The following RIPOR3 variants were observed in gnomAD, a reference collection of about 807,000 sequenced individuals.
RIPOR3 encodes the protein family with sequence similarity 65 member C.
Under a neutral mutation model 114.3 loss-of-function variants are expected in RIPOR3, and 95 were observed. That is an observed-to-expected ratio of 0.83 (90% CI 0.70 to 0.99). The LOEUF (loss-of-function observed/expected upper bound fraction) is 0.99, where lower values mean the gene tolerates loss of function less well. Ranked by LOEUF, RIPOR3 falls within the 50% of genes least tolerant of loss-of-function variation. The pLI, the probability that RIPOR3 is intolerant of heterozygous loss-of-function variation, is 0.00. For missense variants in RIPOR3, 1,252 were observed against 1,266.9 expected, an observed-to-expected ratio of 0.99 and a Z score of 0.18; for synonymous variants, 575 against 543.8, an observed-to-expected ratio of 1.06 and a Z score of -0.80.
At chr20:50,676,586 A>T (rs1035651665) in intron 1 of RIPOR3, among the ~76,000 whole-genome samples, 7 of 152,054 alleles carry the variant, frequency 4.6e-5, no homozygotes, top group African/African-American at 1.4e-4. Flanking sequence ...CAGGAGGTCA[A>T]GGCTGCAGTG....
chr20:50,656,553 G>A (rs1232706845), intron 1 of RIPOR3, among the ~76,000 whole-genome samples: 1 of 152,110 alleles, frequency 6.6e-6, no homozygotes, highest in African/African-American at 2.4e-5. Context: ...TAGAGGCAGA[G>A]TCTTGCTGTG....
In RIPOR3 at chr20:50,651,389, C is replaced by A. The variant is rs116031720; in HGVS notation, c.4-20533G>T. Among the ~76,000 whole-genome samples, 1,271 of 152,282 alleles carry A rather than the reference C, an allele frequency of 8.3e-3. 18 individuals are homozygous for A. The highest frequency in any genetic ancestry group is 0.029 in the African/African-American group (1,200 of 41,554). The stretch of plus-strand genomic sequence containing the variant: ...GCAGAGAACTCAGCCATGCCAGACT[C>A]TGGACCAACACAGCTGTGAGCTCAT... On this transcript the variant is annotated intron_variant, in intron 1 of 21. Transcript: ENST00000327979.
chr20:50,596,972 CTTTT>C (rs1229433753), intron 14 of RIPOR3: 1 of 151,620 alleles, frequency 6.6e-6, no homozygotes, highest in Non-Finnish European at 1.5e-5. Flanking sequence ...TTTTCTTTTT[CTTTT>C]TCTTTTTTTG....
At chr20:50,599,894 A>C (rs889814953) in intron 13 of RIPOR3, among the ~76,000 whole-genome samples, 2 of 148,174 alleles carry the variant, frequency 1.3e-5, no homozygotes, top group Admixed American at 1.3e-4. Context: ...GTATGCGCTC[A>C]CACACACACT....
At chr20:50,588,369 TCTC>T (rs531919979) in intron 20 of RIPOR3, among the ~76,000 whole-genome samples, 45 of 152,364 alleles carry the variant, frequency 3.0e-4, no homozygotes, top group Admixed American at 1.3e-3. Flanking sequence ...CTAACCAGCT[TCTC>T]CTCTTAGAAT....
At chr20:50,635,822 C>T (rs1190628160) in intron 1 of RIPOR3, among the ~76,000 whole-genome samples, 1 of 152,242 alleles carries the variant, frequency 6.6e-6, no homozygotes, top group Non-Finnish European at 1.5e-5. Flanking sequence ...TTCGGGACTC[C>T]GCTGTGCTTG....
chr20:50,671,981 CGTG>C (rs2086521813), intron 1 of RIPOR3, among the ~76,000 whole-genome samples: 1 of 34,510 alleles, frequency 2.9e-5, no homozygotes, highest in African/African-American at 1.1e-4. Flanking sequence ...TGGATGGGTG[CGTG>C]GATGGATGGA....
intron 2 of RIPOR3, among the ~76,000 whole-genome samples, chr20:50,624,021 G>C (rs2084526177): frequency 6.6e-6 from 1 of 152,082 alleles, no homozygotes; most frequent in Non-Finnish European, 1.5e-5. Flanking sequence ...TTTTTTAGTA[G>C]AGACAGGGCT....
At chr20:50,644,337 A>G (rs2085315158) in intron 1 of RIPOR3, among the ~76,000 whole-genome samples, 1 of 152,186 alleles carries the variant, frequency 6.6e-6, no homozygotes, top group Non-Finnish European at 1.5e-5. Context: ...GCTAAAATAG[A>G]TATGTTAATT....
chr20:50,609,470 C>T lies in RIPOR3; in HGVS notation c.576+103G>A, dbSNP rs986255737. 3.4e-6 allele frequency: 5 copies of T among 1,476,000 alleles called. No homozygotes were observed. The Admixed American group carries it at 7.3e-5, about 22-fold the overall frequency. The allele number at this position is 1,476,000 out of a possible 1,614,324, so 91.4% of individuals were successfully genotyped here. ...GGCAGAGAGACGCCTCCTTGGGGCCCAGAACACCTCCTCCAGCCCCCACTG... is the reference window on the plus strand; with the variant it reads ...GGCAGAGAGACGCCTCCTTGGGGCCTAGAACACCTCCTCCAGCCCCCACTG... On this transcript the variant is annotated intron_variant, in intron 7 of 21. Coordinates refer to ENST00000327979, the MANE Select transcript of RIPOR3 (RefSeq NM_001290268.2).
chr20:50,651,600 A>G (rs184349038), intron 1 of RIPOR3, among the ~76,000 whole-genome samples: 1 of 152,148 alleles, frequency 6.6e-6, no homozygotes, highest in Non-Finnish European at 1.5e-5. Context: ...AATCTTGGCA[A>G]TTCCATCCAC....
At chr20:50,644,210 A>G (rs1455790404) in intron 1 of RIPOR3, among the ~76,000 whole-genome samples, 1 of 151,598 alleles carries the variant, frequency 6.6e-6, no homozygotes, top group African/African-American at 2.4e-5. Flanking sequence ...GGCCTCATGT[A>G]ATCCTCCCAG....
At chr20:50,594,885 T>C in intron 16 of RIPOR3, 171 bp from the exon 17 acceptor site, 2 of 681,536 alleles carry the variant, frequency 2.9e-6, no homozygotes, top group Non-Finnish European at 4.8e-6. Flanking sequence ...ACTTTGGCTC[T>C]AAGCATCTTA....
At chr20:50,655,228 G>A (rs2085767275) in intron 1 of RIPOR3, among the ~76,000 whole-genome samples, 2 of 152,238 alleles carry the variant, frequency 1.3e-5, no homozygotes, top group African/African-American at 4.8e-5. Context: ...GCCAAGAAGA[G>A]GTTGCGTTCT....
chr20:50,644,036 C>T (rs1482595666), intron 1 of RIPOR3, among the ~76,000 whole-genome samples: 1 of 151,982 alleles, frequency 6.6e-6, no homozygotes, highest in Middle Eastern at 3.4e-3. Flanking sequence ...AGGAGGATTT[C>T]TTGAGCCCAG....
intron 4 of RIPOR3, among the ~76,000 whole-genome samples, chr20:50,613,485 TAAAG>T (rs939891562): frequency 8.6e-5 from 13 of 151,470 alleles, no homozygotes; most frequent in Admixed American, 3.3e-4. Context: ...AAGAAATAAA[TAAAG>T]AAAGAGGAAA....
Position 50,611,197 on chromosome 20 carries a change from T to C in RIPOR3, c.356A>G (p.Tyr119Cys), listed in dbSNP as rs760296341. Residue 119 changes from tyrosine (Y) to cysteine (C), a missense_variant, in exon 5 of 22, where the codon TAT becomes TGT. Physicochemically the swap from Tyr to Cys is radical, Grantham distance 194 (BLOSUM62 -2). Coordinates refer to ENST00000327979, the MANE Select transcript of RIPOR3 (RefSeq NM_001290268.2). ...CAGACTCACCTTGTCCAGGTCATAA[T>C]AGAAAGCCTGTGAGGGAGGAAAGGA... ...DTRRNSRLAF[Y>C]YDLDKQTRCV... is the part of the protein sequence containing the mutation. 1.3e-5 allele frequency: 21 copies of C among 1,613,976 alleles called. No homozygotes were observed. The African/African-American group carries it at 2.0e-4, about 15-fold the overall frequency.
In RIPOR3 at chr20:50,610,906, G is replaced by A. The variant is rs1393214213; in HGVS notation, c.373C>T (p.Gln125Ter). 6.2e-7 allele frequency: 1 copy of A among 1,614,204 alleles called. No individual in the cohort carries two copies. The highest frequency in any genetic ancestry group is 1.6e-4 in the Middle Eastern group (1 of 6,062). Residue 125 changes from glutamine to a stop codon, truncating the protein, a stop_gained and splice_region_variant, in exon 6 of 22, where the codon CAA becomes TAA. Coordinates refer to ENST00000327979, the MANE Select transcript of RIPOR3 (RefSeq NM_001290268.2). LOFTEE classifies it high-confidence loss of function. ...ATGTGCCTTTCCACACAGCGCGTTT[G>A]CTTCTCCCGGAAAAAGGGAAGATGT... ...RLAFYYDLDKQTRCVERHIRK... is the reference protein window; with the variant it reads ...RLAFYYDLDK
At chr20:50,673,908 C>T (rs966786939) in intron 1 of RIPOR3, among the ~76,000 whole-genome samples, 3 of 152,104 alleles carry the variant, frequency 2.0e-5, no homozygotes, top group Non-Finnish European at 4.4e-5. Flanking sequence ...ACCATTTTTC[C>T]ATTTGTAGCC....
Sources: allele counts gnomAD v4.1 joint callset (sites outside exome capture counted in the v4.1 genomes callset), GRCh38; gene constraint gnomAD v4.1.1; transcripts MANE v1.5; gene names NCBI Gene and HGNC (gene_info 2026-07-23, HGNC 2026-07-21).